Variants in PALS1 observed in about 807,000 individuals in gnomAD.
The protein encoded by PALS1 is protein associated with LIN7 1, MAGUK p55 family member.
Under a neutral mutation model 78.9 loss-of-function variants are expected in PALS1, and 31 were observed. The observed-to-expected ratio is 0.39, with a 90% CI of 0.30 to 0.53. The LOEUF is 0.53. PALS1 is among the 20% of genes least tolerant of loss of function. The pLI is 0.67. For synonymous variants in PALS1, 276 were observed against 270.9 expected, an observed-to-expected ratio of 1.02 and a Z score of -0.18; for missense variants, 704 against 826.5, an observed-to-expected ratio of 0.85 and a Z score of 1.82.
At chr14:67,251,444 G>A (rs140474081) in intron 1 of PALS1, among the ~76,000 whole-genome samples, 1,837 of 152,192 alleles carry the variant, frequency 0.012, 19 homozygotes, top group Non-Finnish European at 0.018. Context: ...AAAGTGAGAG[G>A]ATTTCTTGAG....
intron 3 of PALS1, among the ~76,000 whole-genome samples, chr14:67,284,544 T>G (rs1460148820): frequency 1.7e-5 from 1 of 60,232 alleles, no homozygotes; most frequent in Non-Finnish European, 3.5e-5. Context: ...GAGGCTGCAG[T>G]GCTAAAAAAA....
chr14:67,330,825 G>A (rs73284812), intron 14 of PALS1, among the ~76,000 whole-genome samples: 23,521 of 152,092 alleles, frequency 0.15, 3,418 homozygotes, highest in East Asian at 0.42. Context: ...CCTATTTGGA[G>A]ATGTGAAAAA....
intron 14 of PALS1, among the ~76,000 whole-genome samples, chr14:67,324,818 C>G (rs2141014750): frequency 6.6e-6 from 1 of 151,062 alleles, no homozygotes; most frequent in East Asian, 2.0e-4. Context: ...CTCCTGGCCT[C>G]AAGAAACCCT....
intron 9 of PALS1, among the ~76,000 whole-genome samples, chr14:67,314,837 T>C (rs1470967534): frequency 6.6e-6 from 1 of 152,218 alleles, no homozygotes. Flanking sequence ...ACACCTGTAA[T>C]CCCAGCACTT....
chr14:67,245,540 G>A (rs1054018520), intron 1 of PALS1, among the ~76,000 whole-genome samples: 10 of 151,944 alleles, frequency 6.6e-5, no homozygotes, highest in African/African-American at 2.4e-4. Flanking sequence ...CTTTAGGGAT[G>A]GGGTCTCACT....
At chr14:67,268,615 A>G (rs2084366568) in intron 1 of PALS1, among the ~76,000 whole-genome samples, 1 of 152,194 alleles carries the variant, frequency 6.6e-6, no homozygotes, top group Non-Finnish European at 1.5e-5. Context: ...TAACGTTGCC[A>G]TGGCATTTGT....
intron 11 of PALS1, among the ~76,000 whole-genome samples, chr14:67,318,484 T>G (rs951119436): frequency 6.6e-6 from 1 of 152,228 alleles, no homozygotes; most frequent in Non-Finnish European, 1.5e-5. Flanking sequence ...GCTACTGTAC[T>G]GTAGAAAACG....
chr14:67,321,295 G>A, intron 13 of PALS1, 36 bp downstream of exon 13: 1 of 1,600,208 alleles, frequency 6.2e-7, no homozygotes, highest in Non-Finnish European at 8.6e-7. Flanking sequence ...TTTGAACTTA[G>A]AAGGAATGTC....
At chr14:67,326,495 C>A (rs73282798) in intron 14 of PALS1, among the ~76,000 whole-genome samples, 23,599 of 151,786 alleles carry the variant, frequency 0.16, 3,463 homozygotes, top group East Asian at 0.42. Flanking sequence ...TATATTTTAC[C>A]TACAATACAT....
chr14:67,299,717 G>A (rs538392643), intron 4 of PALS1, among the ~76,000 whole-genome samples: 18 of 152,158 alleles, frequency 1.2e-4, no homozygotes, highest in Non-Finnish European at 2.5e-4. Flanking sequence ...TAGGGCAGTG[G>A]GTAAACACGG....
intron 3 of PALS1, 106 bp downstream of exon 3, chr14:67,279,643 G>A: frequency 8.8e-7 from 1 of 1,136,350 alleles, no homozygotes; most frequent in East Asian, 2.6e-5. Flanking sequence ...AGTAATGACA[G>A]TTTGAATTCC....
chr14:67,270,129 G>A (rs954810330), intron 2 of PALS1: 1 of 152,224 alleles, frequency 6.6e-6, no homozygotes, highest in South Asian at 2.1e-4. Context: ...GGTTCTATTC[G>A]TTGGTACCCT....
At chr14:67,250,517 A>C (rs927386283) in intron 1 of PALS1, among the ~76,000 whole-genome samples, 1 of 152,186 alleles carries the variant, frequency 6.6e-6, no homozygotes, top group Non-Finnish European at 1.5e-5. Flanking sequence ...TTAACTGTCT[A>C]ATATTAAACA....
intron 4 of PALS1, among the ~76,000 whole-genome samples, chr14:67,293,517 A>C (rs930651077): frequency 6.6e-6 from 1 of 152,194 alleles, no homozygotes; most frequent in African/African-American, 2.4e-5. Flanking sequence ...TACTTTGTAG[A>C]TTAGCACATA....
At chr14:67,299,313 A>T (rs2084899947) in intron 4 of PALS1, among the ~76,000 whole-genome samples, 1 of 152,024 alleles carries the variant, frequency 6.6e-6, no homozygotes, top group Non-Finnish European at 1.5e-5. Flanking sequence ...CAAGGTGAAT[A>T]TTTTGGTAAA....
intron 8 of PALS1, among the ~76,000 whole-genome samples, chr14:67,307,659 T>G (rs2085024156): frequency 6.6e-6 from 1 of 152,182 alleles, no homozygotes; most frequent in South Asian, 2.1e-4. Flanking sequence ...TAGTGTTGTG[T>G]GGAGATACTT....
chr14:67,323,735 C>T lies in PALS1; in HGVS notation c.1774C>T (p.Pro592Ser). The T allele has an allele frequency of 6.3e-7, 1 of 1,595,898 alleles. No individual in the cohort carries two copies. The stretch of plus-strand genomic sequence containing the variant: ...GACTCTCCGGAATTCAGATTTGAAA[C>T]CATATATTATCTTCATTGCACCCCC... ...LKTLRNSDLKPYIIFIAPPSQ... is the reference protein window; with the variant it reads ...LKTLRNSDLKSYIIFIAPPSQ... Residue 592 changes from proline (P) to serine (S), a missense_variant, in exon 14 of 15, where the codon CCA (proline) becomes TCA (serine). Physicochemically the swap from Pro to Ser is moderately conservative, Grantham distance 74 (BLOSUM62 -1). Transcript: ENST00000261681.
intron 9 of PALS1, 76 bp downstream of exon 9, chr14:67,312,786 A>T: frequency 8.8e-7 from 1 of 1,137,058 alleles, no homozygotes; most frequent in South Asian, 2.7e-5. Flanking sequence ...AGAAAAACTC[A>T]CTCTTTCATG....
chr14:67,318,570 A>C (rs777788081), intron 11 of PALS1, among the ~76,000 whole-genome samples: 1 of 152,250 alleles, frequency 6.6e-6, no homozygotes, highest in Non-Finnish European at 1.5e-5. Flanking sequence ...TATACGTGTT[A>C]GAATAAACTC....
Sources: gnomAD v4.1 joint callset for allele counts (sites outside exome capture counted in the v4.1 genomes callset) on GRCh38, gnomAD v4.1.1 for gene constraint, MANE v1.5 for transcripts, NCBI Gene and HGNC (gene_info 2026-07-23, HGNC 2026-07-21) for gene names.